The following OTOGL variants were observed in gnomAD, a reference collection of about 807,000 sequenced individuals.
OTOGL encodes otogelin-like protein.
In OTOGL, 285 loss-of-function variants were observed where a neutral mutation model predicts 318.5. The observed-to-expected ratio is 0.89, with a 90% CI of 0.81 to 0.99. The LOEUF (loss-of-function observed/expected upper bound fraction) is 0.99, where lower values mean the gene tolerates loss of function less well. Among genes scored for constraint, OTOGL ranks in the 50% least tolerant of loss-of-function variants. The pLI is 0.00. For synonymous variants in OTOGL, 987 were observed against 936.5 expected (o/e 1.05, Z -0.99); for missense variants, 2,899 against 2,845.6 (o/e 1.02, Z -0.43).
intron 29 of OTOGL, among the ~76,000 whole-genome samples, chr12:80,306,485 C>T (rs754445754): frequency 6.6e-6 from 1 of 151,952 alleles, no homozygotes; most frequent in Non-Finnish European, 1.5e-5. Context: ...GATTGGTTAC[C>T]ATTTGGTTAG....
At chr12:80,211,148 G>A (rs1302036522) in intron 3 of OTOGL, among the ~76,000 whole-genome samples, 1 of 151,450 alleles carries the variant, frequency 6.6e-6, no homozygotes, top group Non-Finnish European at 1.5e-5. Context: ...ATGACTGTTG[G>A]TACTAAAAAG....
Position 80,110,181 on chromosome 12 carries a change from C to T in OTOGL, c.-20+10576C>T, listed in dbSNP as rs528737496. Among the ~76,000 whole-genome samples, 7 of 151,820 alleles carry T rather than the reference C, an allele frequency of 4.6e-5. No homozygotes were observed. In the East Asian group the frequency reaches 1.4e-3, roughly 30 times the overall value. ...CTCCCAGGTTCACGCCATTCTCCTG[C>T]CTCAGCCTCCCGAGTAGCTGGGACT... On this transcript the variant is annotated intron_variant, in intron 1 of 58. Coordinates refer to ENST00000547103, the MANE Select transcript of OTOGL (RefSeq NM_001378609.3).
chr12:80,185,010 G>A (rs1875187012), intron 1 of OTOGL, among the ~76,000 whole-genome samples: 1 of 152,120 alleles, frequency 6.6e-6, no homozygotes, highest in Non-Finnish European at 1.5e-5. Context: ...GAAAAACGAA[G>A]TAGTATATCT....
chr12:80,368,996 A>C (rs10862097), intron 55 of OTOGL, among the ~76,000 whole-genome samples: 106,800 of 151,242 alleles, frequency 0.71, 39,929 homozygotes, highest in Non-Finnish European at 0.84. Context: ...TGATATGGTG[A>C]GAAAGTAGTG....
intron 1 of OTOGL, among the ~76,000 whole-genome samples, chr12:80,168,326 C>T (rs1014173251): frequency 6.6e-6 from 1 of 152,226 alleles, no homozygotes. Context: ...GTTTACCTAG[C>T]AACATTCTTT....
chr12:80,279,290 T>G, intron 26 of OTOGL, 124 bp downstream of exon 26: 1 of 1,024,638 alleles, frequency 9.8e-7, no homozygotes, highest in South Asian at 1.9e-5. Context: ...CAATTATATA[T>G]ATTTTCAACT....
At chr12:80,337,828 G>T (rs796227713) in intron 42 of OTOGL, among the ~76,000 whole-genome samples, 2 of 152,118 alleles carry the variant, frequency 1.3e-5, no homozygotes, top group Non-Finnish European at 2.9e-5. Context: ...TATTTAAAAG[G>T]TTTAATTAAG....
At chr12:80,357,013 T>C (rs1279887467) in intron 49 of OTOGL, 99 bp downstream of exon 49, 5 of 607,762 alleles carry the variant, frequency 8.2e-6, no homozygotes, top group African/African-American at 3.8e-5. Context: ...GCAAGCAATA[T>C]TCTGATGTTA....
At chr12:80,197,870 C>T (rs117778654) in intron 1 of OTOGL, among the ~76,000 whole-genome samples, 5,760 of 152,298 alleles carry the variant, frequency 0.038, 173 homozygotes, top group Middle Eastern at 0.075. Context: ...CGTATGAAAC[C>T]CTAAGATCTA....
At chr12:80,194,626 G>A (rs1379868479) in intron 1 of OTOGL, among the ~76,000 whole-genome samples, 1 of 152,064 alleles carries the variant, frequency 6.6e-6, no homozygotes, top group Non-Finnish European at 1.5e-5. Flanking sequence ...ATAAACATTT[G>A]TTGACTAAAT....
intron 1 of OTOGL, among the ~76,000 whole-genome samples, chr12:80,126,768 T>G (rs1305426218): frequency 1.3e-5 from 2 of 152,234 alleles, no homozygotes; most frequent in Admixed American, 1.3e-4. Context: ...CTCTTCTTGT[T>G]GAATTGATCC....
chr12:80,243,077 T>C (rs1260549691), intron 11 of OTOGL, among the ~76,000 whole-genome samples: 2 of 152,136 alleles, frequency 1.3e-5, no homozygotes, highest in African/African-American at 4.8e-5. Flanking sequence ...GTGGAAATTA[T>C]TGAGCAAATC....
At chr12:80,186,809 G>A (rs1339258509) in intron 1 of OTOGL, among the ~76,000 whole-genome samples, 1 of 151,980 alleles carries the variant, frequency 6.6e-6, no homozygotes, top group Non-Finnish European at 1.5e-5. Flanking sequence ...TGCTTCCTGT[G>A]AATTCAAAAC....
intron 43 of OTOGL, among the ~76,000 whole-genome samples, chr12:80,341,717 G>T (rs986652060): frequency 1.3e-5 from 2 of 152,038 alleles, no homozygotes; most frequent in African/African-American, 4.8e-5. Flanking sequence ...TGACTTCTAG[G>T]CTTTTGATTT....
At chr12:80,223,431 T>C (rs1230320082) in intron 7 of OTOGL, among the ~76,000 whole-genome samples, 1 of 152,040 alleles carries the variant, frequency 6.6e-6, no homozygotes, top group Non-Finnish European at 1.5e-5. Context: ...CTTCTTTTCT[T>C]CTGGGGAGAT....
At chr12:80,191,050 T>C (rs1335113848) in intron 1 of OTOGL, among the ~76,000 whole-genome samples, 2 of 152,186 alleles carry the variant, frequency 1.3e-5, no homozygotes, top group African/African-American at 4.8e-5. Flanking sequence ...GTGTAACCCA[T>C]AGGCCTTAGA....
chr12:80,352,566 C>A, intron 45 of OTOGL, 130 bp downstream of exon 45: 1 of 770,806 alleles, frequency 1.3e-6, no homozygotes, highest in South Asian at 2.5e-5. Context: ...GAAGCTATGA[C>A]AAACACAAGT....
chr12:80,270,055 AAAAC>A (rs1311374741), intron 22 of OTOGL, 43 bp from the exon 23 acceptor site: 3 of 1,420,750 alleles, frequency 2.1e-6, no homozygotes, highest in African/African-American at 2.9e-5. Context: ...GAAAAAAAAA[AAAAC>A]AACAGATTTG....
intron 29 of OTOGL, among the ~76,000 whole-genome samples, chr12:80,308,785 C>T (rs1026648976): frequency 1.9e-4 from 29 of 152,208 alleles, no homozygotes; most frequent in Admixed American, 2.6e-4. Context: ...GCCAACACAG[C>T]GAATCCCCGT....
Sources: allele counts gnomAD v4.1 joint callset (sites outside exome capture counted in the v4.1 genomes callset), GRCh38; gene constraint gnomAD v4.1.1; transcripts MANE v1.5; gene names NCBI Gene and HGNC (gene_info 2026-07-23, HGNC 2026-07-21).